FNBP1: variants seen among roughly 807,000 people sequenced by gnomAD.
FNBP1 encodes the protein formin-binding protein 1.
A neutral mutation model predicts 90.6 loss-of-function variants in FNBP1; 26 were observed. The observed-to-expected ratio is 0.29, with a 90% CI of 0.21 to 0.40. The LOEUF (loss-of-function observed/expected upper bound fraction) is 0.40, where lower values mean the gene tolerates loss of function less well. Ranked by LOEUF, FNBP1 falls within the 10% of genes least tolerant of loss-of-function variation. The pLI is 1.00. For synonymous variants in FNBP1, 260 were observed against 265.2 expected, an observed-to-expected ratio of 0.98 and a Z score of 0.19; for missense variants, 635 against 768.0, an observed-to-expected ratio of 0.83 and a Z score of 2.05.
Position 130,041,060 on chromosome 9 carries a change from C to T in FNBP1, c.24+1892G>A, listed in dbSNP as rs1264527295. ...AGATATTCCCCAAGCTGTTCTTGAA[C>T]TCCTGGGCCCAAAAGATCCTCCCGA... On this transcript the variant is annotated intron_variant, in intron 1 of 16. Coordinates refer to ENST00000446176, the MANE Select transcript of FNBP1 (RefSeq NM_015033.3). The surrounding 1 kb of genome is among the most constrained non-coding windows in gnomAD (Gnocchi z 4.3). Among the ~76,000 whole-genome samples, 1 of 146,262 alleles carries T rather than the reference C, an allele frequency of 6.8e-6. No individual in the cohort carries two copies. Among genetic ancestry groups the T allele is most frequent in the Non-Finnish European group, 1.5e-5 (1 of 67,238 alleles).
At chr9:129,925,447 A>G (rs1403009342) in intron 8 of FNBP1, among the ~76,000 whole-genome samples, 2 of 151,516 alleles carry the variant, frequency 1.3e-5, no homozygotes, top group Non-Finnish European at 2.9e-5. Flanking sequence ...CGGAGGTTGC[A>G]GTGAGCTGAG....
At chr9:129,971,597 G>A (rs2049461672) in intron 4 of FNBP1, among the ~76,000 whole-genome samples, 1 of 152,138 alleles carries the variant, frequency 6.6e-6, no homozygotes, top group Admixed American at 6.5e-5. Context: ...CACCATGTCG[G>A]CCAGGCTGGT....
At position 129,888,430 on chromosome 9, in the gene FNBP1, C is replaced by CTGT. The variant is rs2034869308; in HGVS notation, c.*2106_*2108dup. On this transcript the variant is annotated 3_prime_UTR_variant, in exon 17 of 17. Transcript: ENST00000446176. ...GGGGACTGCCACACTCACCATGCAC[C>CTGT]TGTTGGTTTGCAGGGACAGAGGTGC... is the stretch of plus-strand genomic sequence containing the variant. 8.6e-6 allele frequency: 2 copies of CTGT among 232,616 alleles called. No homozygotes were observed. The highest frequency in any genetic ancestry group is 1.7e-5 in the Non-Finnish European group (2 of 117,760). 14.4% of individuals were successfully genotyped at this position (232,616 alleles called of 1,614,324 possible). A position where few individuals can be genotyped will look rare whatever the true frequency, so the allele number is the denominator to read the frequency against.
chr9:129,943,778 G>T (rs1395275476), intron 6 of FNBP1, among the ~76,000 whole-genome samples: 2 of 151,964 alleles, frequency 1.3e-5, no homozygotes, highest in African/African-American at 4.8e-5. Context: ...GGATCACGAG[G>T]TCAGGAGATC....
intron 13 of FNBP1, 89 bp downstream of exon 13, chr9:129,902,780 A>T: frequency 7.6e-7 from 1 of 1,323,854 alleles, no homozygotes. Context: ...CCTCCCAGTG[A>T]GAGGATCGTC....
intron 4 of FNBP1, among the ~76,000 whole-genome samples, chr9:129,961,245 G>C (rs2047766310): frequency 6.6e-6 from 1 of 152,048 alleles, no homozygotes; most frequent in Admixed American, 6.6e-5. Flanking sequence ...CTGGGAGGCG[G>C]AGGTTGCGGT....
intron 4 of FNBP1, among the ~76,000 whole-genome samples, chr9:129,971,479 C>G (rs1355954285): frequency 6.6e-6 from 1 of 152,070 alleles, no homozygotes; most frequent in Non-Finnish European, 1.5e-5. Context: ...CAACTTCTGC[C>G]TTTTGGAATC....
chr9:129,938,501 C>G (rs1035009973), intron 6 of FNBP1, among the ~76,000 whole-genome samples: 2 of 148,784 alleles, frequency 1.3e-5, no homozygotes, highest in Admixed American at 6.7e-5. Context: ...ATAAGTTAAC[C>G]AAAGAAATAT....
intron 10 of FNBP1, among the ~76,000 whole-genome samples, chr9:129,920,780 T>C (rs1472319085): frequency 6.6e-6 from 1 of 152,168 alleles, no homozygotes; most frequent in East Asian, 1.9e-4. Flanking sequence ...ATCATGAATA[T>C]TCATCATGAG....
chr9:130,034,955 T>G (rs2059174485), intron 1 of FNBP1, among the ~76,000 whole-genome samples: 1 of 152,172 alleles, frequency 6.6e-6, no homozygotes, highest in African/African-American at 2.4e-5. Flanking sequence ...AAGGCCAGCC[T>G]GGGCAGCATA....
At chr9:129,895,129 A>G in intron 16 of FNBP1, 1 of 298,236 alleles carries the variant, frequency 3.4e-6, no homozygotes, top group Non-Finnish European at 5.6e-6. Context: ...CAGCAATGCA[A>G]TGTAAAAATC....
At chr9:130,005,213 G>T (rs1471759076) in intron 1 of FNBP1, among the ~76,000 whole-genome samples, 1 of 151,808 alleles carries the variant, frequency 6.6e-6, no homozygotes, top group Non-Finnish European at 1.5e-5. Context: ...TCTAGCCTGG[G>T]TGACACAGCC....
intron 1 of FNBP1, among the ~76,000 whole-genome samples, chr9:129,998,205 AAAAAAAG>A (rs1416818062): frequency 3.7e-5 from 5 of 134,606 alleles, no homozygotes; most frequent in South Asian, 2.4e-4. Context: ...CGAAAAAAAA[AAAAAAAG>A]AAAAAAAATG....
At chr9:130,043,289 C>T (rs1050756553), upstream of FNBP1, 8 of 221,750 alleles carry the variant, frequency 3.6e-5, no homozygotes, top group Non-Finnish European at 7.0e-5. Flanking sequence ...CGCGCCCGCC[C>T]CACCCCGGCC....
intron 6 of FNBP1, among the ~76,000 whole-genome samples, chr9:129,942,483 A>G (rs1312814290): frequency 6.6e-6 from 1 of 152,192 alleles, no homozygotes; most frequent in Admixed American, 6.5e-5. Flanking sequence ...TCAACCTGCC[A>G]GTCTCACATG....
At chr9:129,965,705 C>T (rs796889736) in intron 4 of FNBP1, among the ~76,000 whole-genome samples, 6 of 107,478 alleles carry the variant, frequency 5.6e-5, no homozygotes, top group African/African-American at 1.9e-4. Flanking sequence ...CACGCGCGCG[C>T]GCGCACACAC....
intron 6 of FNBP1, among the ~76,000 whole-genome samples, chr9:129,932,748 T>G (rs2132117422): frequency 6.6e-6 from 1 of 152,256 alleles, no homozygotes; most frequent in Middle Eastern, 3.4e-3. Context: ...TGCTTCTTCC[T>G]GTGTCCACTA....
chr9:130,013,850 T>C, intron 1 of FNBP1: 1 of 436,016 alleles, frequency 2.3e-6, no homozygotes, highest in Non-Finnish European at 4.6e-6. Flanking sequence ...AAAAGGGAGT[T>C]TGATGCCCTC....
intron 10 of FNBP1, among the ~76,000 whole-genome samples, chr9:129,920,536 G>A (rs535378733): frequency 1.7e-3 from 261 of 152,202 alleles, no homozygotes; most frequent in African/African-American, 6.0e-3. Context: ...TCCTGACCTC[G>A]TGATCCACCC....
Sources: gnomAD v4.1 joint callset for allele counts (sites outside exome capture counted in the v4.1 genomes callset) on GRCh38, gnomAD v4.1.1 for gene constraint, Gnocchi (gnomAD v3.1) non-coding constraint, MANE v1.5 for transcripts, NCBI Gene and HGNC (gene_info 2026-07-23, HGNC 2026-07-21) for gene names.